The following ZNF618 variants were observed in gnomAD, a reference collection of about 807,000 sequenced individuals.
The protein encoded by ZNF618 is neural precursor cell expressed, developmentally down-regulated 10.
ZNF618 carries 34 observed loss-of-function variants against 103.0 expected under a neutral mutation model. That is an observed-to-expected ratio of 0.33 (90% CI 0.25 to 0.44). The LOEUF is 0.44. ZNF618 is among the 20% of genes least tolerant of loss of function. ZNF618 has a pLI of 1.00. For synonymous variants in ZNF618, 551 were observed against 542.2 expected (o/e 1.02, Z -0.23); for missense variants, 1,059 against 1,295.4 (o/e 0.82, Z 2.80).
chr9:113,932,424 A>G (rs1833674359), intron 1 of ZNF618, among the ~76,000 whole-genome samples: 1 of 152,154 alleles, frequency 6.6e-6, no homozygotes, highest in Non-Finnish European at 1.5e-5. Context: ...GGTTTTGAGC[A>G]GAGGTGTTGA....
chr9:113,963,538 T>G (rs1837062647), intron 1 of ZNF618, among the ~76,000 whole-genome samples: 1 of 152,150 alleles, frequency 6.6e-6, no homozygotes, highest in Admixed American at 6.5e-5. Flanking sequence ...CACTGGGCAT[T>G]CAAAATTGTC....
At chr9:113,939,593 A>C (rs1026335254) in intron 1 of ZNF618, among the ~76,000 whole-genome samples, 4 of 152,136 alleles carry the variant, frequency 2.6e-5, no homozygotes, top group Non-Finnish European at 1.5e-5. Flanking sequence ...ACACAGTAAA[A>C]TTATTTAAAT....
At chr9:113,897,898 A>G (rs1161444937) in intron 1 of ZNF618, among the ~76,000 whole-genome samples, 2 of 152,022 alleles carry the variant, frequency 1.3e-5, no homozygotes, top group Non-Finnish European at 2.9e-5. Context: ...GGTTCAAGCA[A>G]TTCTCCTGAT....
At chr9:113,997,218 T>C (rs1202390140) in intron 3 of ZNF618, among the ~76,000 whole-genome samples, 2 of 151,954 alleles carry the variant, frequency 1.3e-5, no homozygotes, top group East Asian at 3.9e-4. Context: ...AGTGTTCCTC[T>C]CACCTCAGCC....
At chr9:113,946,561 G>T (rs938761761) in intron 1 of ZNF618, among the ~76,000 whole-genome samples, 1 of 152,088 alleles carries the variant, frequency 6.6e-6, no homozygotes, top group African/African-American at 2.4e-5. Context: ...GGCAGACACC[G>T]CACCTAGAGG....
chr9:113,966,022 C>T (rs571820599), intron 1 of ZNF618, among the ~76,000 whole-genome samples: 3 of 152,244 alleles, frequency 2.0e-5, no homozygotes, highest in South Asian at 2.1e-4. Context: ...GCTGGCTCTG[C>T]GACTCGTTCA....
chr9:113,925,708 C>T (rs1434246101), intron 1 of ZNF618, among the ~76,000 whole-genome samples: 1 of 151,928 alleles, frequency 6.6e-6, no homozygotes, highest in East Asian at 1.9e-4. Context: ...GTGCAGTATA[C>T]ATGTACAGTT....
intron 3 of ZNF618, among the ~76,000 whole-genome samples, chr9:113,997,309 G>T (rs968381066): frequency 3.3e-5 from 5 of 151,732 alleles, no homozygotes; most frequent in Admixed American, 2.0e-4. Flanking sequence ...GGGTCTTGCT[G>T]TGTTGCCCAG....
chr9:113,906,386 T>G (rs962391538), intron 1 of ZNF618, among the ~76,000 whole-genome samples: 6 of 152,190 alleles, frequency 3.9e-5, no homozygotes, highest in Non-Finnish European at 5.9e-5. Flanking sequence ...GCTTAGGGTT[T>G]CTGATGGGCA....
intron 1 of ZNF618, among the ~76,000 whole-genome samples, chr9:113,935,788 G>A (rs1219521143): frequency 6.6e-6 from 1 of 152,122 alleles, no homozygotes; most frequent in Non-Finnish European, 1.5e-5. Flanking sequence ...GTGTACTCAG[G>A]ACCTGCTCGG....
chr9:114,048,747 G>C lies in ZNF618; in HGVS notation c.1445G>C (p.Gly482Ala). ...RLLRVMCADLGALSVVSGKEF... is the reference protein window; with the variant it reads ...RLLRVMCADLAALSVVSGKEF... ...TTGAGGGTCATGTGTGCCGACCTGG[G>C]TGCACTGAGCGTGGTCAGCGGGAAG... Residue 482 changes from glycine to alanine, a missense_variant, in exon 15 of 15, where the codon GGT (glycine) becomes GCT (alanine). Coordinates refer to ENST00000374126, the MANE Select transcript of ZNF618 (RefSeq NM_001318042.2). The C allele has an allele frequency of 6.2e-7, 1 of 1,614,050 alleles. No individual in the cohort carries two copies. The highest frequency in any genetic ancestry group is 8.5e-7 in the Non-Finnish European group (1 of 1,179,904).
intron 3 of ZNF618, among the ~76,000 whole-genome samples, chr9:113,995,428 A>G (rs1840476003): frequency 6.6e-6 from 1 of 152,206 alleles, no homozygotes; most frequent in Non-Finnish European, 1.5e-5. Context: ...TTTCTTTCTC[A>G]ATTGGCTCAT....
At chr9:113,955,147 T>TC (rs1491366714) in intron 1 of ZNF618, among the ~76,000 whole-genome samples, 5 of 23,680 alleles carry the variant, frequency 2.1e-4, no homozygotes, top group South Asian at 9.4e-4. Context: ...GTGACTTCTC[T>TC]TTTTTTTTTT....
chr9:114,010,565 G>T (rs912597698), intron 9 of ZNF618, among the ~76,000 whole-genome samples: 3 of 152,002 alleles, frequency 2.0e-5, no homozygotes, highest in African/African-American at 7.2e-5. Context: ...TTAGCCGGGC[G>T]TGGTGGCATG....
intron 3 of ZNF618, among the ~76,000 whole-genome samples, chr9:113,994,245 C>G (rs185115917): frequency 1.3e-5 from 2 of 152,320 alleles, no homozygotes; most frequent in East Asian, 3.9e-4. Flanking sequence ...GACACAGCCA[C>G]GTGGGTTTCA....
At chr9:114,010,478 G>C (rs1458451729) in intron 9 of ZNF618, among the ~76,000 whole-genome samples, 1 of 151,816 alleles carries the variant, frequency 6.6e-6, no homozygotes, top group East Asian at 1.9e-4. Context: ...AGGCCGAGAC[G>C]GGTGGATCAC....
intron 13 of ZNF618, among the ~76,000 whole-genome samples, chr9:114,045,516 C>A (rs560446420): frequency 2.0e-5 from 3 of 152,108 alleles, no homozygotes; most frequent in Admixed American, 6.5e-5. Flanking sequence ...CTTGTCAAAA[C>A]TCAGTTGACC....
chr9:113,932,339 C>T (rs1028790176), intron 1 of ZNF618, among the ~76,000 whole-genome samples: 5 of 151,958 alleles, frequency 3.3e-5, no homozygotes, highest in Admixed American at 6.5e-5. Flanking sequence ...TGAGGGGGTG[C>T]GGCTGGTTAG....
rs143976833 is a variant in ZNF618 at position 113,993,758 on chromosome 9, A to G, written c.338-4501A>G. 5.4e-3 allele frequency among the ~76,000 whole-genome samples: 829 copies of G among 152,346 alleles called. 11 individuals carry two copies. The highest frequency in any genetic ancestry group is 0.042 in the East Asian group (220 of 5,184). On this transcript the variant is annotated intron_variant, in intron 3 of 14. Transcript: ENST00000374126. ...ATGAGGGACAGGGACCAACTGGGTT[A>G]TTCCCCGATAGTGGAGACCTGAAGA...
Sources: allele counts gnomAD v4.1 joint callset (sites outside exome capture counted in the v4.1 genomes callset), GRCh38; gene constraint gnomAD v4.1.1; transcripts MANE v1.5; gene names NCBI Gene and HGNC (gene_info 2026-07-23, HGNC 2026-07-21).